The following PPTC7 variants were observed in gnomAD, a reference collection of about 807,000 sequenced individuals.
PPTC7 encodes protein phosphatase targeting COQ7.
Under a neutral mutation model 30.8 loss-of-function variants are expected in PPTC7, and 6 were observed. That is an observed-to-expected ratio of 0.19 (90% confidence interval 0.11 to 0.38). The LOEUF (loss-of-function observed/expected upper bound fraction) is 0.38, where lower values mean the gene tolerates loss of function less well. PPTC7 is among the 10% of genes least tolerant of loss of function. The probability of loss-of-function intolerance (pLI) is 1.00; values close to 1 mark genes in which losing one functional copy is unlikely to be tolerated. For synonymous variants in PPTC7, 163 were observed against 168.1 expected, an observed-to-expected ratio of 0.97 and a Z score of 0.23; for missense variants, 218 against 404.8, an observed-to-expected ratio of 0.54 and a Z score of 3.96.
chr12:110,562,234 C>T (rs1289506118), intron 1 of PPTC7, among the ~76,000 whole-genome samples: 1 of 121,672 alleles, frequency 8.2e-6, no homozygotes, highest in Admixed American at 1.1e-4. Context: ...GCACAGGGAG[C>T]TGAGATCGCA....
chr12:110,566,562 T>C (rs1269075652), intron 1 of PPTC7, among the ~76,000 whole-genome samples: 1 of 152,168 alleles, frequency 6.6e-6, no homozygotes, highest in Non-Finnish European at 1.5e-5. Flanking sequence ...CATCTACCAG[T>C]GCTCCGCTCA....
Position 110,551,860 on chromosome 12 carries a change from A to G in PPTC7, c.332T>C (p.Val111Ala). ...GAGAATTCCAATGGGATTACTAGGTACGAACCGTCCTTCTTTTACTAAACG... is the reference window on the plus strand; with the variant it reads ...GAGAATTCCAATGGGATTACTAGGTGCGAACCGTCCTTCTTTTACTAAACG... ...CERLVKEGRF[V>A]PSNPIGILTT... is the part of the protein sequence containing the mutation. The change falls in exon 2 of 6, where the codon GTA (valine) becomes GCA (alanine). Residue 111 changes from valine to alanine, a missense_variant. Val to Ala is a moderately conservative substitution (Grantham distance 64, BLOSUM62 0). Coordinates refer to ENST00000354300, the MANE Select transcript of PPTC7 (RefSeq NM_139283.2). 1 of 1,614,242 alleles carries G rather than the reference A, an allele frequency of 6.2e-7. No individual in the cohort carries two copies. The highest frequency in any genetic ancestry group is 1.1e-5 in the South Asian group (1 of 91,086).
chr12:110,574,647 G>T (rs142512898), intron 1 of PPTC7, among the ~76,000 whole-genome samples: 1 of 152,174 alleles, frequency 6.6e-6, no homozygotes, highest in African/African-American at 2.4e-5. Flanking sequence ...ATAATAAGTC[G>T]TGTGTTAGCC....
Position 110,583,066 on chromosome 12 carries a change from G to A in PPTC7, c.-35C>T. 1.5e-6 allele frequency: 2 copies of A among 1,357,554 alleles called. No individual in the cohort carries two copies. Among genetic ancestry groups the A allele is most frequent in the South Asian group, 1.8e-5 (1 of 56,704 alleles). 84.1% of individuals were successfully genotyped at this position (1,357,554 alleles called of 1,614,324 possible). On this transcript the variant is annotated 5_prime_UTR_variant, in exon 1 of 6. Transcript: ENST00000354300. ...CGCCCCCCCGAGGAGGCGGGGGGCC[G>A]GGGGAGCAGGAGGACGCGGAGGCCC...
chr12:110,559,103 A>G (rs1218042101), intron 1 of PPTC7, among the ~76,000 whole-genome samples: 1 of 152,094 alleles, frequency 6.6e-6, no homozygotes, highest in Non-Finnish European at 1.5e-5. Flanking sequence ...AGCTCACTGC[A>G]ACTTTGAACT....
At chr12:110,561,856 G>C (rs905750914) in intron 1 of PPTC7, among the ~76,000 whole-genome samples, 3 of 151,974 alleles carry the variant, frequency 2.0e-5, no homozygotes, top group Non-Finnish European at 4.4e-5. Context: ...CTGCTTGGGG[G>C]ACAGGGGTAG....
intron 2 of PPTC7, among the ~76,000 whole-genome samples, chr12:110,551,093 C>T (rs190929085): frequency 7.9e-5 from 12 of 152,304 alleles, no homozygotes; most frequent in African/African-American, 2.9e-4. Flanking sequence ...TTTCACAATG[C>T]ATTTTTCTAC....
rs1278561554 is a variant in PPTC7 at position 110,533,370 on chromosome 12, A to G, written c.*3667T>C. ...GTAATTGCCTCTTGGGTAATAAGAC[A>G]AATAATGATAGTCTCAACAGAAAAA... On this transcript the variant is annotated 3_prime_UTR_variant, in exon 6 of 6. Coordinates refer to ENST00000354300, the MANE Select transcript of PPTC7 (RefSeq NM_139283.2). 6.6e-6 allele frequency: 1 copy of G among 152,234 alleles called. No homozygotes were observed. Among genetic ancestry groups the G allele is most frequent in the East Asian group, 1.9e-4 (1 of 5,208 alleles). The allele number at this position is 152,234 out of a possible 1,614,324, so 9.4% of individuals were successfully genotyped here.
Position 110,569,102 on chromosome 12 carries a change from G to A in PPTC7, c.223+13707C>T, listed in dbSNP as rs769978132. Among the ~76,000 whole-genome samples the A allele has an allele frequency of 2.0e-5, 3 of 149,290 alleles. No homozygotes were observed. In the Admixed American group the frequency reaches 2.0e-4, roughly 10 times the overall value. On this transcript the variant is annotated intron_variant, in intron 1 of 5. Transcript: ENST00000354300. ...AATCCCAACACTTTGGGTGGCCAAG[G>A]TGGACAGATCACTTGAGGTCTGGAG... is the stretch of plus-strand genomic sequence containing the variant.
intron 1 of PPTC7, among the ~76,000 whole-genome samples, chr12:110,561,583 T>TA (rs2064438147): frequency 6.6e-6 from 1 of 152,204 alleles, no homozygotes; most frequent in Admixed American, 6.5e-5. Flanking sequence ...CTTGGGCTCC[T>TA]AAAGTTCTGG....
chr12:110,551,074 G>C (rs138607855), intron 2 of PPTC7, among the ~76,000 whole-genome samples: 1 of 152,240 alleles, frequency 6.6e-6, no homozygotes, highest in East Asian at 1.9e-4. Context: ...GCAGCTTTAA[G>C]TCGTTTCTTT....
rs551669592 is a variant in PPTC7 at position 110,569,040 on chromosome 12, C to G, written c.223+13769G>C. On this transcript the variant is annotated intron_variant, in intron 1 of 5. Coordinates refer to ENST00000354300, the MANE Select transcript of PPTC7 (RefSeq NM_139283.2). ...AGCAAGACCCTGTCCCCGCCCCCCC[C>G]CCTCAAAAAAAGCCAGGTGCAGTGG... is the stretch of plus-strand genomic sequence containing the variant. 4.8e-5 allele frequency among the ~76,000 whole-genome samples: 7 copies of G among 147,188 alleles called. No individual in the cohort carries two copies. In the East Asian group the frequency reaches 9.9e-4, roughly 21 times the overall value.
intron 3 of PPTC7, among the ~76,000 whole-genome samples, 191 bp downstream of exon 3, chr12:110,545,689 T>C (rs2064300561): frequency 6.6e-6 from 1 of 152,352 alleles, no homozygotes; most frequent in East Asian, 1.9e-4. Context: ...TTTATCAGAA[T>C]TCCACTTAGC....
chr12:110,544,818 A>G (rs2064292203), intron 3 of PPTC7, among the ~76,000 whole-genome samples: 1 of 152,092 alleles, frequency 6.6e-6, no homozygotes, highest in Non-Finnish European at 1.5e-5. Flanking sequence ...GGGCAACAAG[A>G]GCAGGACTCT....
At chr12:110,546,593 G>A (rs2135767298) in intron 2 of PPTC7, 1 of 162,808 alleles carries the variant, frequency 6.1e-6, no homozygotes, top group Non-Finnish European at 1.3e-5. Context: ...AACTTTTATT[G>A]GAGACTAATG....
chr12:110,583,121 C>T lies in PPTC7; in HGVS notation c.-90G>A. On this transcript the variant is annotated 5_prime_UTR_variant, in exon 1 of 6. Transcript: ENST00000354300. ...CCGGCTCTCTCCTCAGCCGCAGTCG[C>T]GCCGCCGCTGGGGCGCTCCTCAGGG... is the stretch of plus-strand genomic sequence containing the variant. 9.3e-7 allele frequency: 1 copy of T among 1,078,600 alleles called. No individual in the cohort carries two copies. Among genetic ancestry groups the T allele is most frequent in the Non-Finnish European group, 1.2e-6 (1 of 840,402 alleles). 66.8% of individuals were successfully genotyped at this position (1,078,600 alleles called of 1,614,324 possible). A position where few individuals can be genotyped will look rare whatever the true frequency, so the allele number is the denominator to read the frequency against.
rs1227596700 is a variant in PPTC7 at position 110,578,991 on chromosome 12, TACAA to T, written c.223+3814_223+3817del. Reference sequence around the variant, plus strand: ...CGAAACCTCATCTCTACTAAAAAAATACAAACAATTAGCCGGGTGAGGTGGCACA... The same window carrying T: ...CGAAACCTCATCTCTACTAAAAAAATACAATTAGCCGGGTGAGGTGGCACA... On this transcript the variant is annotated intron_variant, in intron 1 of 5. Transcript: ENST00000354300. Among the ~76,000 whole-genome samples, 6 of 151,926 alleles carry T rather than the reference TACAA, an allele frequency of 3.9e-5. No individual in the cohort carries two copies. The South Asian group carries it at 6.2e-4, about 16-fold the overall frequency.
intron 2 of PPTC7, among the ~76,000 whole-genome samples, chr12:110,550,270 G>A (rs1008687761): frequency 2.4e-5 from 3 of 126,262 alleles, no homozygotes; most frequent in Non-Finnish European, 3.2e-5. Flanking sequence ...TTGCTCTGTC[G>A]CCCACGCTGG....
intron 1 of PPTC7, among the ~76,000 whole-genome samples, chr12:110,554,975 A>AT (rs1321764818): frequency 1.3e-5 from 2 of 152,128 alleles, no homozygotes; most frequent in East Asian, 1.9e-4. Context: ...TAAAACAGGG[A>AT]TTTTTTAATT....
Sources: allele counts gnomAD v4.1 joint callset (sites outside exome capture counted in the v4.1 genomes callset), GRCh38; gene constraint gnomAD v4.1.1; transcripts MANE v1.5; gene names NCBI Gene and HGNC (gene_info 2026-07-23, HGNC 2026-07-21).